ARHGEF11: variants seen among roughly 807,000 people sequenced by gnomAD.
ARHGEF11 encodes the protein Rho guanine exchange factor (GEF) 11.
ARHGEF11 carries 55 observed loss-of-function variants against 193.7 expected under a neutral mutation model. The observed-to-expected ratio is 0.28, with a 90% CI of 0.23 to 0.36. ARHGEF11 has a LOEUF of 0.36. Among genes scored for constraint, ARHGEF11 ranks in the 10% least tolerant of loss-of-function variants. ARHGEF11 has a pLI of 1.00. For synonymous variants in ARHGEF11, 693 were observed against 768.0 expected (o/e 0.90, Z 1.62); for missense variants, 1,723 against 2,005.6 (o/e 0.86, Z 2.69).
Position 156,971,822 on chromosome 1 carries a change from G to A in ARHGEF11, c.583-6C>T, listed in dbSNP as rs1662524667. The A allele has an allele frequency of 6.2e-7, 1 of 1,611,178 alleles. No individual in the cohort carries two copies. Among genetic ancestry groups the A allele is most frequent in the Admixed American group, 1.7e-5 (1 of 59,968 alleles). On this transcript the variant is annotated splice_polypyrimidine_tract_variant and splice_region_variant and intron_variant, in intron 7 of 40. Transcript: ENST00000368194. ...CTATAGACCTCACAGATACGCTAGG[G>A]ATGGGTGAGGAGGAGAAGGGGGAGG...
intron 1 of ARHGEF11, among the ~76,000 whole-genome samples, chr1:157,008,402 G>A (rs1309661135): frequency 1.4e-4 from 5 of 36,396 alleles, no homozygotes; most frequent in African/African-American, 3.7e-4. Flanking sequence ...AAGCTTGCAC[G>A]CACGCACACA....
chr1:157,024,958 C>T (rs964632060), intron 1 of ARHGEF11, among the ~76,000 whole-genome samples: 2 of 152,214 alleles, frequency 1.3e-5, no homozygotes, highest in Non-Finnish European at 2.9e-5. Context: ...ACTCCTCTGG[C>T]ACCTGGAATG....
chr1:156,970,040 T>C lies in ARHGEF11; in HGVS notation c.706A>G (p.Ile236Val). Residue 236 changes from isoleucine (I) to valine (V), a missense_variant, in exon 9 of 41, where the codon ATA becomes GTA. Ile to Val is a conservative substitution (Grantham distance 29, BLOSUM62 3). Around this residue, in one of 5 missense-constraint regions of ARHGEF11, gnomAD observed 646 missense variants for 710.7 expected, o/e 0.91. Coordinates refer to ENST00000368194, the MANE Select transcript of ARHGEF11 (RefSeq NM_198236.3). ...CTGGTGTCACCATATAGTGGAAGTA[T>C]GTCCTGAAACAGAAAGGCCCACAGG... is the stretch of plus-strand genomic sequence containing the variant. The part of the protein sequence containing the change: ...IQQETGGSVD[I>V]LPLYGDTSQR... 6.2e-7 allele frequency: 1 copy of C among 1,613,960 alleles called. No homozygotes were observed. Among genetic ancestry groups the C allele is most frequent in the Non-Finnish European group, 8.5e-7 (1 of 1,179,858 alleles).
chr1:156,994,392 G>T (rs200577660), intron 1 of ARHGEF11, among the ~76,000 whole-genome samples: 311 of 144,112 alleles, frequency 2.2e-3, no homozygotes, highest in African/African-American at 7.4e-3. Context: ...TTTATTGTGT[G>T]TTTTTTTTTT....
intron 26 of ARHGEF11, 22 bp from the exon 27 acceptor site, chr1:156,947,037 T>C (rs769688597): frequency 2.5e-6 from 4 of 1,613,822 alleles, no homozygotes; most frequent in South Asian, 1.1e-5. Context: ...AGAGAACAAA[T>C]AGAAATGCCT....
intron 1 of ARHGEF11, among the ~76,000 whole-genome samples, chr1:157,023,944 A>T (rs1000757480): frequency 6.6e-6 from 1 of 152,096 alleles, no homozygotes; most frequent in Non-Finnish European, 1.5e-5. Flanking sequence ...TACATATACA[A>T]CCAAGAGAAA....
intron 8 of ARHGEF11, among the ~76,000 whole-genome samples, chr1:156,971,035 C>T (rs1340516486): frequency 6.6e-6 from 1 of 152,156 alleles, no homozygotes; most frequent in East Asian, 1.9e-4. Flanking sequence ...TAATTAATTC[C>T]TATTGGCTTT....
Position 156,958,615 on chromosome 1 carries a change from C to T in ARHGEF11, c.1502+127G>A. The T allele has an allele frequency of 5.1e-6, 7 of 1,382,330 alleles. No homozygotes were observed. In the South Asian group the frequency reaches 8.1e-5, roughly 16 times the overall value. The allele number at this position is 1,382,330 out of a possible 1,614,324, so 85.6% of individuals were successfully genotyped here. A position where few individuals can be genotyped will look rare whatever the true frequency, so the allele number is the denominator to read the frequency against. On this transcript the variant is annotated intron_variant, in intron 17 of 40. Transcript: ENST00000368194. ...CAATGCAGCAGGAGTGCAGGACTCC[C>T]CATCTTTCAGGGGCAGGAGAATCAG...
rs911857371 is a variant in ARHGEF11, at chr1:156,961,670, G to C, written c.1239+7C>G. 4 of 1,612,298 alleles carry C rather than the reference G, an allele frequency of 2.5e-6. No individual in the cohort carries two copies. The highest frequency in any genetic ancestry group is 2.2e-5 in the East Asian group (1 of 44,866). ...TAAAATTATAATCCAATCTATGACT[G>C]CCTTACCGCATTTTTCTCCAGGAAA... is the stretch of plus-strand genomic sequence containing the variant. On this transcript the variant is annotated splice_region_variant and intron_variant, in intron 14 of 40. Transcript: ENST00000368194.
chr1:156,945,923 A>G (rs928037162), intron 29 of ARHGEF11, 122 bp downstream of exon 29: 6 of 723,504 alleles, frequency 8.3e-6, no homozygotes, highest in Non-Finnish European at 1.4e-5. Flanking sequence ...CACAACAGAA[A>G]AAGGACGAAG....
intron 1 of ARHGEF11, among the ~76,000 whole-genome samples, chr1:157,019,050 A>C (rs1669641502): frequency 6.6e-6 from 1 of 152,258 alleles, no homozygotes; most frequent in South Asian, 2.1e-4. Context: ...ACAGAGGAGG[A>C]AAATCTTAGT....
At chr1:156,958,989 G>A (rs1195102071) in intron 16 of ARHGEF11, 57 bp downstream of exon 16, 2 of 1,610,810 alleles carry the variant, frequency 1.2e-6, no homozygotes, top group African/African-American at 2.7e-5. Context: ...GAAGGAGCCA[G>A]GGCCAAGAGG....
At chr1:156,999,243 G>A (rs371525228) in intron 1 of ARHGEF11, among the ~76,000 whole-genome samples, 38 of 152,184 alleles carry the variant, frequency 2.5e-4, no homozygotes, top group Admixed American at 9.2e-4. Context: ...TTTCCTTTAC[G>A]GATAAGGAAA....
In ARHGEF11 at chr1:157,045,429, T is replaced by A. The variant is rs1673216765; in HGVS notation, c.-1099A>T. On this transcript the variant is annotated 5_prime_UTR_variant, in exon 1 of 41. Coordinates refer to ENST00000368194, the MANE Select transcript of ARHGEF11 (RefSeq NM_198236.3). ...CGCCCGGCCAGAAAGACGGCTCCCT[T>A]ATTATTCGTTCGGATTATTATTGTG... 6.6e-6 allele frequency: 1 copy of A among 152,222 alleles called. No individual in the cohort carries two copies. Among genetic ancestry groups the A allele is most frequent in the Non-Finnish European group, 1.5e-5 (1 of 68,052 alleles). The allele number at this position is 152,222 out of a possible 1,614,324, so 9.4% of individuals were successfully genotyped here.
In ARHGEF11 at chr1:156,970,031, G is replaced by A; in HGVS notation, c.715C>T (p.Leu239=). ...ETGGSVDILP[L]YGDTSQRPSE... ...GGTCTCTGGCTGGTGTCACCATATA[G>A]TGGAAGTATGTCCTGAAACAGAAAG... Residue 239 remains leucine (L), a synonymous_variant, in exon 9 of 41, where the codon CTA becomes TTA. Transcript: ENST00000368194. 1 of 1,613,978 alleles carries A rather than the reference G, an allele frequency of 6.2e-7. No homozygotes were observed. Among genetic ancestry groups the A allele is most frequent in the Non-Finnish European group, 8.5e-7 (1 of 1,179,870 alleles).
Position 157,027,190 on chromosome 1 carries a change from T to A in ARHGEF11, c.32+17109A>T, listed in dbSNP as rs527748801. Among the ~76,000 whole-genome samples the A allele has an allele frequency of 3.9e-5, 6 of 152,256 alleles. No individual in the cohort carries two copies. The East Asian group carries it at 1.2e-3, about 29-fold the overall frequency. ...AGCCTAGGATCACTTGAGACCAGCC[T>A]GGGCAACTTGGCAAAACCCTGTCTC... On this transcript the variant is annotated intron_variant, in intron 1 of 40. Coordinates refer to ENST00000368194, the MANE Select transcript of ARHGEF11 (RefSeq NM_198236.3).
intron 4 of ARHGEF11, among the ~76,000 whole-genome samples, chr1:156,979,840 C>T (rs747632819): frequency 1.9e-4 from 29 of 152,208 alleles, no homozygotes; most frequent in Non-Finnish European, 3.7e-4. Context: ...TTAATTTGTT[C>T]ATTCATTCAC....
upstream of ARHGEF11, among the ~76,000 whole-genome samples, chr1:157,045,926 C>A (rs1243370488): frequency 6.6e-6 from 1 of 150,690 alleles, no homozygotes. Flanking sequence ...GCCCGCCGCC[C>A]GCCGGCCTTT....
chr1:157,034,575 G>A (rs748741335), intron 1 of ARHGEF11, among the ~76,000 whole-genome samples: 11 of 152,188 alleles, frequency 7.2e-5, no homozygotes, highest in African/African-American at 2.7e-4. Flanking sequence ...AAAATCCCTT[G>A]GTTAGGCATG....
Sources: gnomAD v4.1 joint callset for allele counts (sites outside exome capture counted in the v4.1 genomes callset) on GRCh38, gnomAD v4.1.1 for gene constraint, gnomAD v4.1.1 regional missense constraint, MANE v1.5 for transcripts, NCBI Gene and HGNC (gene_info 2026-07-23, HGNC 2026-07-21) for gene names.